Variants in GNAQ observed in about 807,000 individuals in gnomAD.
GNAQ encodes guanine nucleotide-binding protein G(q) subunit alpha.
In GNAQ, 8 loss-of-function variants were observed where a neutral mutation model predicts 43.9. The ratio of observed to expected loss-of-function variants is 0.18; its 90% CI spans 0.11 to 0.33. The LOEUF (loss-of-function observed/expected upper bound fraction) is 0.33. Among genes scored for constraint, GNAQ ranks in the 10% least tolerant of loss-of-function variants. The pLI is 1.00. For missense variants in GNAQ, 158 were observed against 450.8 expected (o/e 0.35, Z 5.88); for synonymous variants, 155 against 170.7 (o/e 0.91, Z 0.71).
At chr9:77,863,216 A>AAGGAAGGAAGGAAGGGAGGGAGGG (rs1281288103) in intron 2 of GNAQ, among the ~76,000 whole-genome samples, 9 of 148,970 alleles carry the variant, frequency 6.0e-5, no homozygotes, top group African/African-American at 1.8e-4. Flanking sequence ...GGAAGGAAGG[A>AAGGAAGGAAGGAAGGGAGGGAGGG]AGGGAGGAAG....
At chr9:77,832,844 C>T (rs1827322314) in intron 2 of GNAQ, among the ~76,000 whole-genome samples, 1 of 152,200 alleles carries the variant, frequency 6.6e-6, no homozygotes, top group Non-Finnish European at 1.5e-5. Context: ...ACACCCCCAG[C>T]TGTAGGCCAC....
intron 5 of GNAQ, among the ~76,000 whole-genome samples, chr9:77,776,016 A>G (rs909018004): frequency 2.0e-5 from 3 of 152,262 alleles, no homozygotes; most frequent in African/African-American, 7.2e-5. Flanking sequence ...CTAAAAATCT[A>G]TCTTTCCACA....
intron 5 of GNAQ, among the ~76,000 whole-genome samples, chr9:77,784,237 G>A (rs907650008): frequency 6.6e-6 from 1 of 151,722 alleles, no homozygotes; most frequent in African/African-American, 2.4e-5. Context: ...AGATTGGTAA[G>A]GTAATTTGAT....
At chr9:77,990,989 G>A (rs1451435577) in intron 1 of GNAQ, among the ~76,000 whole-genome samples, 2 of 152,158 alleles carry the variant, frequency 1.3e-5, no homozygotes, top group Admixed American at 6.6e-5. Context: ...CCCTCAAAAT[G>A]TATTTAATAG....
At chr9:77,790,898 G>C (rs1003286307) in intron 5 of GNAQ, among the ~76,000 whole-genome samples, 9 of 152,208 alleles carry the variant, frequency 5.9e-5, no homozygotes, top group African/African-American at 2.2e-4. Context: ...ATTCTGATGA[G>C]TAGCAGCTTC....
At chr9:77,884,777 C>A (rs935180772) in intron 2 of GNAQ, among the ~76,000 whole-genome samples, 8 of 152,208 alleles carry the variant, frequency 5.3e-5, no homozygotes, top group Non-Finnish European at 8.8e-5. Flanking sequence ...ATTCCCTTAA[C>A]TATAAATGTC....
At chr9:77,762,363 C>T (rs1296628107) in intron 5 of GNAQ, among the ~76,000 whole-genome samples, 26 of 142,466 alleles carry the variant, frequency 1.8e-4, no homozygotes, top group African/African-American at 6.4e-4. Context: ...TCTGCCCGGC[C>T]GCCCCTACTG....
intron 1 of GNAQ, among the ~76,000 whole-genome samples, chr9:78,003,813 A>G (rs1361373664): frequency 7.0e-6 from 1 of 142,472 alleles, no homozygotes; most frequent in African/African-American, 2.6e-5. Context: ...AAGACTGTCT[A>G]AAAAAAAAAA....
chr9:77,748,955 G>C (rs1175026345), intron 5 of GNAQ, among the ~76,000 whole-genome samples: 1 of 152,152 alleles, frequency 6.6e-6, no homozygotes, highest in African/African-American at 2.4e-5. Flanking sequence ...GGGTAAGAAA[G>C]GGAAAGGGGG....
At chr9:77,823,231 G>A (rs892679922) in intron 2 of GNAQ, among the ~76,000 whole-genome samples, 3 of 152,162 alleles carry the variant, frequency 2.0e-5, no homozygotes, top group Middle Eastern at 6.8e-3. Flanking sequence ...GAGCCACCAC[G>A]CCTGGCCTAG....
chr9:77,927,443 A>T (rs1032072522), intron 1 of GNAQ, among the ~76,000 whole-genome samples: 3 of 152,190 alleles, frequency 2.0e-5, no homozygotes, highest in East Asian at 1.9e-4. Context: ...CTCAATGCTT[A>T]AAAAATGTCA....
chr9:77,870,324 GTTT>G (rs781464413), intron 2 of GNAQ, among the ~76,000 whole-genome samples: 230 of 111,104 alleles, frequency 2.1e-3, no homozygotes, highest in African/African-American at 7.7e-3. Flanking sequence ...TTTGGTGCTA[GTTT>G]TTTTTTTTTT....
chr9:77,989,001 A>G (rs558366505), intron 1 of GNAQ, among the ~76,000 whole-genome samples: 1 of 152,212 alleles, frequency 6.6e-6, no homozygotes, highest in African/African-American at 2.4e-5. Context: ...TTCAAGCCCC[A>G]TGCCAGAGAT....
intron 2 of GNAQ, among the ~76,000 whole-genome samples, chr9:77,905,135 A>G (rs1248082736): frequency 6.6e-6 from 1 of 152,222 alleles, no homozygotes; most frequent in Non-Finnish European, 1.5e-5. Flanking sequence ...AAGAAAGGCA[A>G]ATCCAGAAGT....
intron 1 of GNAQ, among the ~76,000 whole-genome samples, chr9:77,940,129 G>A (rs1199613386): frequency 6.6e-6 from 1 of 152,176 alleles, no homozygotes; most frequent in Admixed American, 6.5e-5. Flanking sequence ...GGTTGTAAAA[G>A]AGCATCTAAA....
intron 1 of GNAQ, among the ~76,000 whole-genome samples, chr9:78,006,909 A>G (rs1228844794): frequency 1.3e-5 from 2 of 152,164 alleles, no homozygotes; most frequent in Admixed American, 6.5e-5. Flanking sequence ...AGTGAGGTTT[A>G]GCATTGTGTG....
chr9:78,014,758 A>G (rs1449015722), intron 1 of GNAQ, among the ~76,000 whole-genome samples: 1 of 152,228 alleles, frequency 6.6e-6, no homozygotes, highest in African/African-American at 2.4e-5. Flanking sequence ...ATAAAAGGTA[A>G]TGCGGTAATG....
chr9:77,840,375 AGTCG>A (rs1454128872), intron 2 of GNAQ, among the ~76,000 whole-genome samples: 1 of 139,580 alleles, frequency 7.2e-6, no homozygotes, highest in African/African-American at 2.7e-5. Flanking sequence ...TTTTAGACGG[AGTCG>A]GAGTCGGAGT....
At chr9:77,873,459 A>G (rs1564137124) in intron 2 of GNAQ, among the ~76,000 whole-genome samples, 1 of 152,248 alleles carries the variant, frequency 6.6e-6, no homozygotes, top group Non-Finnish European at 1.5e-5. Context: ...AAGCATATAT[A>G]GGAATCCAAT....
Sources: allele counts gnomAD v4.1 joint callset (sites outside exome capture counted in the v4.1 genomes callset), GRCh38; gene constraint gnomAD v4.1.1; transcripts MANE v1.5; gene names NCBI Gene and HGNC (gene_info 2026-07-23, HGNC 2026-07-21).